The following DSG4 variants were observed in gnomAD, a reference collection of about 807,000 sequenced individuals.
The protein encoded by DSG4 is desmoglein-4.
DSG4 carries 87 observed loss-of-function variants against 93.1 expected under a neutral mutation model. The observed-to-expected ratio is 0.93, with a 90% CI of 0.79 to 1.12. The LOEUF (loss-of-function observed/expected upper bound fraction) is 1.12. Among genes scored for constraint, DSG4 ranks in the 50% most tolerant of loss-of-function variants. The pLI is 0.00. For missense variants in DSG4, 1,373 were observed against 1,285.7 expected (o/e 1.07, Z -1.04); for synonymous variants, 432 against 452.9 (o/e 0.95, Z 0.59).
At chr18:31,386,655 C>G (rs1173975119) in intron 2 of DSG4, 33 bp from the exon 3 acceptor site, 2 of 1,611,688 alleles carry the variant, frequency 1.2e-6, no homozygotes, top group African/African-American at 2.7e-5. Flanking sequence ...ATTGTTCTCA[C>G]ACTGTAAGAC....
At chr18:31,396,041 A>G (rs1482648931) in intron 8 of DSG4, among the ~76,000 whole-genome samples, 3 of 152,196 alleles carry the variant, frequency 2.0e-5, no homozygotes, top group African/African-American at 7.2e-5. Flanking sequence ...GATCTCAGAA[A>G]AATGAAAGTC....
chr18:31,401,078 T>C (rs2072361055), intron 10 of DSG4, 58 bp downstream of exon 10: 2 of 1,391,410 alleles, frequency 1.4e-6, no homozygotes, highest in South Asian at 1.4e-5. Flanking sequence ...TTAAATATTA[T>C]GTTATTCTAA....
In DSG4 at chr18:31,413,571, T is replaced by C. The variant is rs1271997757; in HGVS notation, c.3099T>C (p.Ser1033=). 2 of 1,613,926 alleles carry C rather than the reference T, an allele frequency of 1.2e-6. No homozygotes were observed. The highest frequency in any genetic ancestry group is 1.7e-6 in the Non-Finnish European group (2 of 1,180,012). The change falls in exon 16 of 16, where the codon AGT becomes AGC. Residue 1033 remains serine, a synonymous_variant. Transcript: ENST00000308128. ...MTSRHRVTRY[S]NIHYTQQ The stretch of plus-strand genomic sequence containing the variant: ...CTCGACACAGAGTAACACGATACAG[T>C]AACATACATTACACCCAACAGTAAG...
intron 11 of DSG4, among the ~76,000 whole-genome samples, chr18:31,405,429 T>C (rs1440908493): frequency 2.0e-5 from 3 of 152,208 alleles, no homozygotes. Flanking sequence ...TATTATTTAT[T>C]CATTGGGCAA....
At position 31,386,712 on chromosome 18, in the gene DSG4, G is replaced by A; in HGVS notation, c.109G>A (p.Gly37Ser). ...GGTGAAGGAATTTGACATTGAAAAT[G>A]GCACTACAAAATGGCAAACAGTCAG... ...VEVKEFDIEN[G>S]TTKWQTVRRQ... The change falls in exon 3 of 16, where the codon GGC becomes AGC. Residue 37 changes from glycine to serine, a missense_variant. Transcript: ENST00000308128. 6.2e-7 allele frequency: 1 copy of A among 1,613,274 alleles called. No homozygotes were observed. The highest frequency in any genetic ancestry group is 1.7e-4 in the Middle Eastern group (1 of 6,058).
At chr18:31,400,288 C>A (rs1179898135) in intron 9 of DSG4, among the ~76,000 whole-genome samples, 2 of 152,104 alleles carry the variant, frequency 1.3e-5, no homozygotes, top group African/African-American at 4.8e-5. Flanking sequence ...GCAAAAAAAC[C>A]TGTGAAGTCT....
At chr18:31,384,020 T>C (rs981745953) in intron 1 of DSG4, among the ~76,000 whole-genome samples, 4 of 152,180 alleles carry the variant, frequency 2.6e-5, no homozygotes, top group African/African-American at 9.7e-5. Flanking sequence ...TTTTAAGAAT[T>C]TAATGACTCT....
At chr18:31,404,314 A>G (rs1380710114) in intron 11 of DSG4, among the ~76,000 whole-genome samples, 1 of 152,252 alleles carries the variant, frequency 6.6e-6, no homozygotes, top group Non-Finnish European at 1.5e-5. Flanking sequence ...ATATGTATGT[A>G]TCTTGACTAT....
chr18:31,390,997 T>C, intron 6 of DSG4, 81 bp from the exon 7 acceptor site: 1 of 1,572,426 alleles, frequency 6.4e-7, no homozygotes, highest in Non-Finnish European at 8.7e-7. Context: ...AATAAAAGAG[T>C]AGAGAAATAA....
At chr18:31,395,603 C>A (rs1371084481) in intron 8 of DSG4, among the ~76,000 whole-genome samples, 5 of 152,184 alleles carry the variant, frequency 3.3e-5, no homozygotes, top group Non-Finnish European at 7.4e-5. Context: ...CTAATGTCCT[C>A]TTACACCTTC....
In DSG4 at chr18:31,390,638, C is replaced by T. The variant is rs1407752707; in HGVS notation, c.518-18C>T. ...TCTAAGAGTCCCAACCATTCTCCAC[C>T]TCCATTTCTATTTCTAGATACATTG... is the stretch of plus-strand genomic sequence containing the variant. On this transcript the variant is annotated intron_variant, in intron 5 of 15. Coordinates refer to ENST00000308128, the MANE Select transcript of DSG4 (RefSeq NM_177986.5). The T allele has an allele frequency of 2.5e-6, 4 of 1,613,092 alleles. No individual in the cohort carries two copies. The highest frequency in any genetic ancestry group is 3.4e-6 in the Non-Finnish European group (4 of 1,179,298).
rs867550052 is a variant in DSG4 at position 31,406,085 on chromosome 18, G to A, written c.1645G>A (p.Ala549Thr). The A allele has an allele frequency of 6.2e-7, 1 of 1,613,880 alleles. No homozygotes were observed. Among genetic ancestry groups the A allele is most frequent in the Admixed American group, 1.7e-5 (1 of 60,000 alleles). ...WDVRSTNATS[A>T]ILTAKQVLSP... is the part of the protein sequence containing the mutation. ...CCTCTCTTCCATTTCAGCTACCTCG[G>A]CAATCCTTACGGCTAAGCAGGTTTT... The change falls in exon 12 of 16, where the codon GCA becomes ACA. Residue 549 changes from alanine to threonine, a missense_variant. By Grantham distance (58) the Ala-to-Thr change is moderately conservative. Coordinates refer to ENST00000308128, the MANE Select transcript of DSG4 (RefSeq NM_177986.5).
rs779572127 is a variant in DSG4 at position 31,412,852 on chromosome 18, G to A, written c.2380G>A (p.Asp794Asn). Residue 794 changes from aspartate to asparagine, a missense_variant, in exon 16 of 16, where the codon GAT becomes AAT. Asp to Asn is a conservative substitution (Grantham distance 23, BLOSUM62 1). Coordinates refer to ENST00000308128, the MANE Select transcript of DSG4 (RefSeq NM_177986.5). Reference sequence around the variant, plus strand: ...GAAAGCGTATGCTTATGCAGATGAAGATGAAGGTCGACCAGCCAATGACTG... The same window carrying A: ...GAAAGCGTATGCTTATGCAGATGAAAATGAAGGTCGACCAGCCAATGACTG... ...SEKAYAYADEDEGRPANDCLL... is the reference protein window; with the variant it reads ...SEKAYAYADENEGRPANDCLL... The A allele has an allele frequency of 3.1e-6, 5 of 1,614,214 alleles. No individual in the cohort carries two copies. In the Admixed American group the frequency reaches 8.3e-5, roughly 27 times the overall value.
At chr18:31,395,827 C>A (rs147600056) in intron 8 of DSG4, among the ~76,000 whole-genome samples, 1 of 152,198 alleles carries the variant, frequency 6.6e-6, no homozygotes, top group East Asian at 1.9e-4. Flanking sequence ...GGGGTGAAAC[C>A]AAGTCTCTAG....
chr18:31,399,467 A>T lies in DSG4; in HGVS notation c.1201A>T (p.Ser401Cys), dbSNP rs1270432660. The stretch of plus-strand genomic sequence containing the variant: ...TAGTGTGCGGGAAGGAATAAAAGGA[A>T]GTTCCTTATTGAATTATGTGCTTGG... The part of the protein sequence containing the change: ...AFSVREGIKG[S>C]SLLNYVLGTY... The change falls in exon 9 of 16, where the codon AGT (serine) becomes TGT (cysteine). Residue 401 changes from serine to cysteine, a missense_variant. Physicochemically the swap from Ser to Cys is moderately radical, Grantham distance 112. Transcript: ENST00000308128. 6.2e-7 allele frequency: 1 copy of T among 1,613,966 alleles called. No individual in the cohort carries two copies. The highest frequency in any genetic ancestry group is 8.5e-7 in the Non-Finnish European group (1 of 1,179,958).
chr18:31,412,897 G>C lies in DSG4; in HGVS notation c.2425G>C (p.Glu809Gln), dbSNP rs369987317. 6.2e-7 allele frequency: 1 copy of C among 1,614,056 alleles called. No homozygotes were observed. The highest frequency in any genetic ancestry group is 1.7e-5 in the Admixed American group (1 of 59,990). Residue 809 changes from glutamate to glutamine, a missense_variant, in exon 16 of 16, where the codon GAG becomes CAG. Coordinates refer to ENST00000308128, the MANE Select transcript of DSG4 (RefSeq NM_177986.5). ...TGACTGCTTGCTCATTTATGACCACGAGGGAGTCGGGTCTCCCGTAGGCTC... is the reference window on the plus strand; with the variant it reads ...TGACTGCTTGCTCATTTATGACCACCAGGGAGTCGGGTCTCCCGTAGGCTC... ...ANDCLLIYDH[E>Q]GVGSPVGSIG...
At chr18:31,402,955 G>A (rs957988566) in intron 10 of DSG4, among the ~76,000 whole-genome samples, 1 of 152,116 alleles carries the variant, frequency 6.6e-6, no homozygotes, top group Non-Finnish European at 1.5e-5. Context: ...ACACAAACAA[G>A]TATTTATTTC....
At chr18:31,411,182 G>A (rs2072484510) in intron 14 of DSG4, 49 bp from the exon 15 acceptor site, 4 of 1,614,142 alleles carry the variant, frequency 2.5e-6, no homozygotes, top group Non-Finnish European at 3.4e-6. Flanking sequence ...AGGCAGATGC[G>A]CGCTGCAGGC....
In DSG4 at chr18:31,409,746, ATG is replaced by A. The variant is rs1256600516; in HGVS notation, c.2079_2080del (p.Ser694LysfsTer19). ...TAAAATGTTTATTTTTCTTTTCAGG[ATG>A]TGTCAAATATATGTGCACCCATGAC... On this transcript the variant is annotated frameshift_variant and splice_region_variant, in exon 14 of 16. Transcript: ENST00000308128. LOFTEE classifies it high-confidence loss of function. The A allele has an allele frequency of 3.1e-6, 5 of 1,614,040 alleles. No homozygotes were observed. The African/African-American group carries it at 6.7e-5, about 22-fold the overall frequency.
Sources: gnomAD v4.1 joint callset for allele counts (sites outside exome capture counted in the v4.1 genomes callset) on GRCh38, gnomAD v4.1.1 for gene constraint, MANE v1.5 for transcripts, NCBI Gene and HGNC (gene_info 2026-07-23, HGNC 2026-07-21) for gene names.